The following AFTPH variants were observed in gnomAD, a reference collection of about 807,000 sequenced individuals.
AFTPH encodes aftiphilin protein.
In AFTPH, 7 loss-of-function variants were observed where a neutral mutation model predicts 72.5. That is an observed-to-expected ratio of 0.10 (90% CI 0.05 to 0.18). AFTPH has a LOEUF of 0.18. Ranked by LOEUF, AFTPH falls within the 10% of genes least tolerant of loss-of-function variation. The pLI is 1.00. For missense variants in AFTPH, 979 were observed against 1,060.5 expected (o/e 0.92, Z 1.07); for synonymous variants, 337 against 370.1 (o/e 0.91, Z 1.03).
intron 6 of AFTPH, among the ~76,000 whole-genome samples, chr2:64,577,052 C>A (rs918290589): frequency 2.1e-5 from 3 of 144,988 alleles, no homozygotes; most frequent in Admixed American, 6.7e-5. Flanking sequence ...AGCCACCGCG[C>A]CTGGCCACCA....
chr2:64,568,103 C>G (rs1672198357), intron 3 of AFTPH, among the ~76,000 whole-genome samples: 1 of 151,468 alleles, frequency 6.6e-6, no homozygotes, highest in South Asian at 2.1e-4. Context: ...TGCCTTTTTA[C>G]TTTTGAGCTA....
At chr2:64,552,513 A>G (rs764249455) in exon 2 of AFTPH, 2 of 1,614,202 alleles carry the variant, frequency 1.2e-6, no homozygotes, top group East Asian at 2.2e-5. Context: ...TTCAGAAGCC[A>G]TTAGGAGAGA....
At chr2:64,573,175 A>ACGCCTGTAATCCC in intron 6 of AFTPH, 107 bp downstream of exon 6, 1 of 850,842 alleles carries the variant, frequency 1.2e-6, no homozygotes, top group East Asian at 2.5e-5. Context: ...AATATTTGTA[A>ACGCCTGTAATCCC]AGCTTGATTT....
intron 6 of AFTPH, among the ~76,000 whole-genome samples, chr2:64,578,650 C>T (rs964664345): frequency 5.3e-5 from 8 of 151,910 alleles, no homozygotes; most frequent in African/African-American, 1.5e-4. Context: ...CTCCACCTCC[C>T]GGGTTCAAGC....
chr2:64,545,671 T>A (rs1670560636), intron 1 of AFTPH, among the ~76,000 whole-genome samples: 1 of 124,232 alleles, frequency 8.0e-6, no homozygotes, highest in African/African-American at 3.2e-5. Flanking sequence ...TTACACTGAG[T>A]GAAAAAAATT....
intron 1 of AFTPH, among the ~76,000 whole-genome samples, chr2:64,546,614 C>G (rs575356485): frequency 6.6e-6 from 1 of 151,748 alleles, no homozygotes; most frequent in Non-Finnish European, 1.5e-5. Flanking sequence ...TAAAAAGTTG[C>G]AATGTCAATA....
At chr2:64,592,926 G>C (rs1341606915) in exon 9 of AFTPH, 1 of 152,650 alleles carries the variant, frequency 6.6e-6, no homozygotes, top group East Asian at 1.9e-4. Context: ...CAAGGTTAAT[G>C]TGCATGCCCA....
At chr2:64,527,926 A>G (rs1467923044) in intron 1 of AFTPH, among the ~76,000 whole-genome samples, 2 of 152,138 alleles carry the variant, frequency 1.3e-5, no homozygotes, top group African/African-American at 4.8e-5. Context: ...TATTCCCAAG[A>G]AAAGGGAAAA....
At chr2:64,548,417 A>G (rs1289344857) in intron 1 of AFTPH, among the ~76,000 whole-genome samples, 2 of 149,010 alleles carry the variant, frequency 1.3e-5, no homozygotes, top group African/African-American at 4.9e-5. Context: ...GAAAAAAAAA[A>G]AAAAAAAAAA....
intron 1 of AFTPH, among the ~76,000 whole-genome samples, chr2:64,529,659 T>G (rs1025677405): frequency 3.3e-5 from 5 of 149,392 alleles, no homozygotes; most frequent in African/African-American, 1.2e-4. Flanking sequence ...AGACAGAGTC[T>G]CACTGTGTCA....
intron 1 of AFTPH, among the ~76,000 whole-genome samples, chr2:64,538,073 A>G (rs1669984676): frequency 6.6e-6 from 1 of 152,198 alleles, no homozygotes; most frequent in Non-Finnish European, 1.5e-5. Context: ...TAAAAATCAG[A>G]GTACATAGAG....
At chr2:64,548,189 C>T (rs1449592569) in intron 1 of AFTPH, among the ~76,000 whole-genome samples, 1 of 144,732 alleles carries the variant, frequency 6.9e-6, no homozygotes, top group East Asian at 2.0e-4. Context: ...GTCAGGAGAT[C>T]GAGACCATCC....
At chr2:64,526,525 T>TA (rs958834728) in intron 1 of AFTPH, among the ~76,000 whole-genome samples, 1 of 152,212 alleles carries the variant, frequency 6.6e-6, no homozygotes, top group Admixed American at 6.5e-5. Flanking sequence ...CTTTGTAGAT[T>TA]AAAAAATAAA....
chr2:64,566,684 G>A (rs1672110035), intron 2 of AFTPH, among the ~76,000 whole-genome samples: 1 of 151,960 alleles, frequency 6.6e-6, no homozygotes, highest in Non-Finnish European at 1.5e-5. Flanking sequence ...AGGAATGAAT[G>A]TTATTGTAGG....
chr2:64,558,891 C>T (rs1671546252), intron 2 of AFTPH, among the ~76,000 whole-genome samples: 1 of 152,150 alleles, frequency 6.6e-6, no homozygotes, highest in Non-Finnish European at 1.5e-5. Context: ...CACATACCAG[C>T]ACTTACTCAG....
intron 8 of AFTPH, among the ~76,000 whole-genome samples, chr2:64,591,364 G>A (rs1325666469): frequency 6.6e-6 from 1 of 152,220 alleles, no homozygotes; most frequent in Admixed American, 6.5e-5. Flanking sequence ...GGCTGAGACT[G>A]GGTCTTCTGA....
At chr2:64,535,621 C>T (rs1357741034) in intron 1 of AFTPH, among the ~76,000 whole-genome samples, 1 of 152,172 alleles carries the variant, frequency 6.6e-6, no homozygotes, top group Non-Finnish European at 1.5e-5. Flanking sequence ...GAATAAGTAC[C>T]TTGCACAGTA....
At chr2:64,544,317 G>A (rs1670431312) in intron 1 of AFTPH, among the ~76,000 whole-genome samples, 2 of 152,100 alleles carry the variant, frequency 1.3e-5, no homozygotes, top group African/African-American at 4.8e-5. Context: ...AACTGTTTTT[G>A]TATACAGTGG....
chr2:64,537,938 G>A (rs765138748), intron 1 of AFTPH, among the ~76,000 whole-genome samples: 2 of 152,250 alleles, frequency 1.3e-5, no homozygotes, highest in South Asian at 4.1e-4. Context: ...GCAGTAATTG[G>A]ATTTGGAGGA....
Sources: gnomAD v4.1 joint callset for allele counts (sites outside exome capture counted in the v4.1 genomes callset) on GRCh38, gnomAD v4.1.1 for gene constraint, MANE v1.5 for transcripts, NCBI Gene and HGNC (gene_info 2026-07-23, HGNC 2026-07-21) for gene names.